Variants in ACTR3C observed in about 807,000 individuals in gnomAD.
The protein encoded by ACTR3C is actin-related protein 3C.
ACTR3C carries 18 observed loss-of-function variants against 26.3 expected under a neutral mutation model. The observed-to-expected ratio is 0.68, with a 90% CI of 0.47 to 1.01. The LOEUF (loss-of-function observed/expected upper bound fraction) is 1.01. Ranked by LOEUF, ACTR3C falls within the 50% of genes least tolerant of loss-of-function variation. ACTR3C has a pLI of 0.00. For synonymous variants in ACTR3C, 55 were observed against 94.5 expected (o/e 0.58, Z 2.42); for missense variants, 184 against 250.7 (o/e 0.73, Z 1.80).
the ACTR3C span, among the ~76,000 whole-genome samples, chr7:150,042,413 G>A: frequency 1.4e-5 from 2 of 146,106 alleles, no homozygotes; most frequent in Non-Finnish European, 3.0e-5. Flanking sequence ...CTCAGTCCCC[G>A]CGTCGCGAGG....
At chr7:149,958,810 G>A in the ACTR3C span, among the ~76,000 whole-genome samples, 1 of 152,194 alleles carries the variant, frequency 6.6e-6, no homozygotes, top group Admixed American at 6.5e-5. Context: ...TGATTCAGAG[G>A]AAGCAGACTG....
At chr7:150,162,326 A>G in the ACTR3C span, among the ~76,000 whole-genome samples, 1 of 99,564 alleles carries the variant, frequency 1.0e-5, no homozygotes, top group Admixed American at 9.3e-5. Context: ...AGGTTGGTGC[A>G]AAAGTAATTT....
the ACTR3C span, among the ~76,000 whole-genome samples, chr7:149,907,862 G>A: frequency 6.6e-6 from 1 of 152,160 alleles, no homozygotes; most frequent in Non-Finnish European, 1.5e-5. Context: ...AACTCAGCAT[G>A]GAATGATCGG....
At chr7:150,110,898 G>C in the ACTR3C span, among the ~76,000 whole-genome samples, 2 of 147,850 alleles carry the variant, frequency 1.4e-5, no homozygotes, top group African/African-American at 2.6e-5. Flanking sequence ...GCCACTGCGA[G>C]GCTGGCAGGT....
the ACTR3C span, among the ~76,000 whole-genome samples, chr7:150,115,747 G>C: frequency 6.6e-6 from 1 of 152,218 alleles, no homozygotes; most frequent in African/African-American, 2.4e-5. Context: ...GCAGGGACCT[G>C]CCTGGATCTT....
At chr7:150,047,517 C>A in the ACTR3C span, 4 of 215,250 alleles carry the variant, frequency 1.9e-5, no homozygotes, top group Non-Finnish European at 3.0e-5. Flanking sequence ...GCGCCTGATT[C>A]CCCCCCCCAC....
the ACTR3C span, among the ~76,000 whole-genome samples, chr7:150,080,738 G>T: frequency 6.6e-6 from 1 of 152,148 alleles, no homozygotes; most frequent in Non-Finnish European, 1.5e-5. Context: ...CAAAGTGAAT[G>T]AAGGTTCCAT....
the ACTR3C span, among the ~76,000 whole-genome samples, chr7:150,112,562 C>T: frequency 3.9e-5 from 6 of 152,170 alleles, no homozygotes; most frequent in African/African-American, 1.4e-4. Flanking sequence ...ACTGTCAGCC[C>T]TCCTGGCTGG....
the ACTR3C span, among the ~76,000 whole-genome samples, chr7:149,984,861 T>C: frequency 0.11 from 17,138 of 152,232 alleles, 996 homozygotes; most frequent in Non-Finnish European, 0.13. Context: ...TTGGAAAATG[T>C]CGCTTCTGTT....
the ACTR3C span, among the ~76,000 whole-genome samples, chr7:150,154,396 T>C: frequency 1.3e-5 from 2 of 152,022 alleles, no homozygotes; most frequent in African/African-American, 4.8e-5. Context: ...CCATTTATAT[T>C]GTACTTTCTT....
the ACTR3C span, among the ~76,000 whole-genome samples, chr7:149,946,042 G>C: frequency 4.6e-5 from 7 of 152,200 alleles, no homozygotes; most frequent in South Asian, 1.0e-3. Context: ...TGAATCATGG[G>C]GGGGAAAGCA....
At chr7:149,981,308 C>A in the ACTR3C span, among the ~76,000 whole-genome samples, 1 of 152,100 alleles carries the variant, frequency 6.6e-6, no homozygotes, top group East Asian at 1.9e-4. Context: ...AATCAAGATG[C>A]AGCAGCAAGT....
chr7:150,302,423 T>G (rs1312645735), intron 1 of ACTR3C, among the ~76,000 whole-genome samples: 1 of 151,940 alleles, frequency 6.6e-6, no homozygotes, highest in Non-Finnish European at 1.5e-5. Context: ...AAAAACTGTA[T>G]GCACAAAGAT....
the ACTR3C span, among the ~76,000 whole-genome samples, chr7:149,943,103 G>A: frequency 2.6e-5 from 4 of 151,810 alleles, no homozygotes; most frequent in South Asian, 2.1e-4. Flanking sequence ...CTATGGCCCC[G>A]GGGCCTGCTG....
chr7:150,056,359 A>C, the ACTR3C span, among the ~76,000 whole-genome samples: 1 of 152,176 alleles, frequency 6.6e-6, no homozygotes, highest in Admixed American at 6.5e-5. Context: ...GAAACCATGT[A>C]TCTGCTTCTT....
the ACTR3C span, among the ~76,000 whole-genome samples, chr7:150,161,561 G>A: frequency 6.6e-6 from 1 of 152,080 alleles, no homozygotes; most frequent in Non-Finnish European, 1.5e-5. Flanking sequence ...TTTTATGGCT[G>A]CATAGTATTC....
At chr7:149,925,369 A>G in the ACTR3C span, among the ~76,000 whole-genome samples, 10 of 152,236 alleles carry the variant, frequency 6.6e-5, no homozygotes, top group Non-Finnish European at 1.5e-4. Context: ...ACTGATTACA[A>G]AGATCACTTG....
At chr7:150,035,215 CA>C in the ACTR3C span, among the ~76,000 whole-genome samples, 49 of 122,148 alleles carry the variant, frequency 4.0e-4, no homozygotes, top group Middle Eastern at 4.3e-3. Flanking sequence ...GGGTGCCTCC[CA>C]CCTCTGCCAT....
the ACTR3C span, among the ~76,000 whole-genome samples, chr7:150,227,205 C>G: frequency 3.3e-5 from 5 of 151,572 alleles, no homozygotes; most frequent in South Asian, 8.3e-4. Flanking sequence ...CAGGTGTGGC[C>G]ATCATGCAGT....
Sources: gnomAD v4.1 joint callset for allele counts (sites outside exome capture counted in the v4.1 genomes callset) on GRCh38, gnomAD v4.1.1 for gene constraint, MANE v1.5 for transcripts, NCBI Gene and HGNC (gene_info 2026-07-23, HGNC 2026-07-21) for gene names.